STK17A: variants seen among roughly 807,000 people sequenced by gnomAD.
STK17A encodes serine/threonine kinase 17a.
STK17A carries 26 observed loss-of-function variants against 43.7 expected under a neutral mutation model. That is an observed-to-expected ratio of 0.60 (90% CI 0.44 to 0.83). The LOEUF is 0.83. Ranked by LOEUF, STK17A falls within the 40% of genes least tolerant of loss-of-function variation. The pLI is 0.00. For synonymous variants in STK17A, 191 were observed against 182.5 expected, an observed-to-expected ratio of 1.05 and a Z score of -0.38; for missense variants, 476 against 511.6, an observed-to-expected ratio of 0.93 and a Z score of 0.67.
At chr7:43,595,721 T>G (rs1214489068) in intron 1 of STK17A, among the ~76,000 whole-genome samples, 180 bp from the exon 2 acceptor site, 1 of 152,250 alleles carries the variant, frequency 6.6e-6, no homozygotes, top group Non-Finnish European at 1.5e-5. Flanking sequence ...TTGTTTTATT[T>G]GATAAATCTA....
chr7:43,614,138 A>C (rs1372262779), intron 3 of STK17A, among the ~76,000 whole-genome samples: 1 of 152,178 alleles, frequency 6.6e-6, no homozygotes, highest in Non-Finnish European at 1.5e-5. Flanking sequence ...GTTAACCTCA[A>C]CTTTACAATG....
intron 2 of STK17A, among the ~76,000 whole-genome samples, chr7:43,607,647 C>CAAAAAAAAAAA (rs760624386): frequency 1.8e-5 from 1 of 54,358 alleles, no homozygotes; most frequent in Non-Finnish European, 3.5e-5. Context: ...GACTCCGTCT[C>CAAAAAAAAAAA]AAAAAAAAAA....
Position 43,624,761 on chromosome 7 carries a change from A to G in STK17A, c.1164A>G (p.Lys388=). ...AATGCAGACAGTCTGAAAAAGAGAA[A>G]ATGGAGCAAAAGGCCATTTCCAAAC... ...LGQCRQSEKE[K]MEQKAISKRF... is the part of the protein sequence containing the mutation. Residue 388 remains lysine, a synonymous_variant, in exon 7 of 7, where the codon AAA becomes AAG. Coordinates refer to ENST00000319357, the MANE Select transcript of STK17A (RefSeq NM_004760.3). The G allele has an allele frequency of 6.2e-7, 1 of 1,613,614 alleles. No individual in the cohort carries two copies. Among genetic ancestry groups the G allele is most frequent in the Non-Finnish European group, 8.5e-7 (1 of 1,179,696 alleles).
chr7:43,583,493 G>T, intron 1 of STK17A, 44 bp downstream of exon 1: 1 of 1,256,550 alleles, frequency 8.0e-7, no homozygotes, highest in African/African-American at 1.6e-5. Context: ...CCGGACGCGC[G>T]GGGCGGGACG....
chr7:43,614,707 T>C (rs933250314), intron 3 of STK17A, among the ~76,000 whole-genome samples: 3 of 152,198 alleles, frequency 2.0e-5, no homozygotes, highest in Non-Finnish European at 4.4e-5. Flanking sequence ...TCTAGCAACC[T>C]CTCTCTCAGT....
In STK17A at chr7:43,624,633, G is replaced by T; in HGVS notation, c.1036G>T (p.Gly346Cys). 1 of 1,614,058 alleles carries T rather than the reference G, an allele frequency of 6.2e-7. No individual in the cohort carries two copies. The highest frequency in any genetic ancestry group is 8.5e-7 in the Non-Finnish European group (1 of 1,180,004). ...ALEEANALQEGHSVPEINSDT... is the reference protein window; with the variant it reads ...ALEEANALQECHSVPEINSDT... ...AGAAGAAGCAAATGCCCTCCAAGAA[G>T]GTCATTCTGTGCCTGAAATTAATTC... The change falls in exon 7 of 7, where the codon GGT becomes TGT. Residue 346 changes from glycine to cysteine, a missense_variant. By Grantham distance (159) the Gly-to-Cys change is radical. Around this residue, in one of 3 missense-constraint regions of STK17A, gnomAD observed 110 missense variants for 103.7 expected, o/e 1.06. Transcript: ENST00000319357.
chr7:43,599,726 A>G (rs1198552550), intron 2 of STK17A, among the ~76,000 whole-genome samples: 1 of 152,212 alleles, frequency 6.6e-6, no homozygotes, highest in East Asian at 1.9e-4. Context: ...GTTCCACAAT[A>G]GGCCTGCAAG....
chr7:43,594,893 A>AAAAAT lies in STK17A; in HGVS notation c.207-1007_207-1006insAAATA, dbSNP rs34954300. ...AGTCTCTTAAAAAAAAAAAAAAAGA[A>AAAAAT]AGAAAGAAAAGAAAAGAAAAATGAA... On this transcript the variant is annotated intron_variant, in intron 1 of 6. Coordinates refer to ENST00000319357, the MANE Select transcript of STK17A (RefSeq NM_004760.3). Among the ~76,000 whole-genome samples the AAAAAT allele has an allele frequency of 7.0e-4, 103 of 147,500 alleles. 1 individual carries two copies. Among genetic ancestry groups the AAAAAT allele is most frequent in the Non-Finnish European group, 1.3e-3 (86 of 66,478 alleles).
rs576020984 is a variant in STK17A at position 43,616,000 on chromosome 7, C to T, written c.565-3597C>T. 2.7e-4 allele frequency among the ~76,000 whole-genome samples: 41 copies of T among 152,286 alleles called. No individual in the cohort carries two copies. In the South Asian group the frequency reaches 6.8e-3, roughly 25 times the overall value. ...TTTGAGTTCCCCATAGTGCTTAAAG[C>T]GACCTGAGGTGTACTTATTTGTCTT... On this transcript the variant is annotated intron_variant, in intron 3 of 6. Coordinates refer to ENST00000319357, the MANE Select transcript of STK17A (RefSeq NM_004760.3).
At chr7:43,617,101 T>C (rs1435651570) in intron 3 of STK17A, among the ~76,000 whole-genome samples, 2 of 152,196 alleles carry the variant, frequency 1.3e-5, no homozygotes, top group Admixed American at 1.3e-4. Flanking sequence ...ATGGCAAGTA[T>C]GAGACTGGAA....
At chr7:43,599,220 C>T (rs1170433954) in intron 2 of STK17A, among the ~76,000 whole-genome samples, 1 of 152,168 alleles carries the variant, frequency 6.6e-6, no homozygotes, top group Non-Finnish European at 1.5e-5. Flanking sequence ...AAATGCATAG[C>T]ATAGTGAATT....
At chr7:43,615,240 A>G (rs548564734) in intron 3 of STK17A, among the ~76,000 whole-genome samples, 1 of 152,308 alleles carries the variant, frequency 6.6e-6, no homozygotes, top group East Asian at 1.9e-4. Context: ...CAGTGGCACT[A>G]TCTCGGCTCA....
intron 1 of STK17A, among the ~76,000 whole-genome samples, chr7:43,590,188 C>T (rs1583546840): frequency 2.0e-5 from 3 of 151,186 alleles, no homozygotes; most frequent in Non-Finnish European, 4.4e-5. Flanking sequence ...TCAAGCAATC[C>T]GCCTACCTCA....
At chr7:43,606,367 A>G (rs1258382610) in intron 2 of STK17A, among the ~76,000 whole-genome samples, 1 of 152,220 alleles carries the variant, frequency 6.6e-6, no homozygotes, top group African/African-American at 2.4e-5. Flanking sequence ...GCCAAGGTGC[A>G]GGCAGCTAGG....
At chr7:43,588,891 A>C (rs573579092) in intron 1 of STK17A, among the ~76,000 whole-genome samples, 7 of 151,604 alleles carry the variant, frequency 4.6e-5, no homozygotes, top group African/African-American at 1.7e-4. Flanking sequence ...TTATGTATCA[A>C]GTACATAAAA....
chr7:43,626,929 T>C lies in STK17A; in HGVS notation c.*2087T>C, dbSNP rs531965488. The stretch of plus-strand genomic sequence containing the variant: ...TTCAGAATATACTTGTAAAGGTGTA[T>C]TGGCATTTTTTGGTTTATAAGATAA... On this transcript the variant is annotated 3_prime_UTR_variant, in exon 7 of 7. Coordinates refer to ENST00000319357, the MANE Select transcript of STK17A (RefSeq NM_004760.3). 10 of 152,310 alleles carry C rather than the reference T, an allele frequency of 6.6e-5. No homozygotes were observed. The South Asian group carries it at 1.2e-3, about 19-fold the overall frequency. The allele number at this position is 152,310 out of a possible 1,614,324, so 9.4% of individuals were successfully genotyped here.
chr7:43,621,386 A>G (rs928629938), intron 4 of STK17A, among the ~76,000 whole-genome samples: 3 of 152,218 alleles, frequency 2.0e-5, no homozygotes, highest in Non-Finnish European at 2.9e-5. Context: ...TGTAAGCTCA[A>G]ATACACAAGA....
At chr7:43,607,850 C>G (rs866586760) in intron 2 of STK17A, among the ~76,000 whole-genome samples, 2 of 152,174 alleles carry the variant, frequency 1.3e-5, no homozygotes, top group South Asian at 4.1e-4. Context: ...GAACACAGTT[C>G]TGTTACCAGC....
intron 1 of STK17A, among the ~76,000 whole-genome samples, chr7:43,584,680 G>A (rs1183228350): frequency 2.0e-5 from 3 of 152,098 alleles, no homozygotes; most frequent in Non-Finnish European, 2.9e-5. Flanking sequence ...TGGGGGGTGG[G>A]GGTGTAGGGA....
Sources: gnomAD v4.1 joint callset for allele counts (sites outside exome capture counted in the v4.1 genomes callset) on GRCh38, gnomAD v4.1.1 for gene constraint, gnomAD v4.1.1 regional missense constraint, MANE v1.5 for transcripts, NCBI Gene and HGNC (gene_info 2026-07-23, HGNC 2026-07-21) for gene names.